Variants in CACNG3 observed in about 807,000 individuals in gnomAD.
The protein encoded by CACNG3 is voltage-dependent calcium channel gamma-3 subunit.
A neutral mutation model predicts 28.5 loss-of-function variants in CACNG3; 3 were observed. The ratio of observed to expected loss-of-function variants is 0.11; its 90% CI spans 0.05 to 0.27. The LOEUF is 0.27. Ranked by LOEUF, CACNG3 falls within the 10% of genes least tolerant of loss-of-function variation. The pLI, the probability that CACNG3 is intolerant of heterozygous loss-of-function variation, is 1.00. For synonymous variants in CACNG3, 174 were observed against 162.2 expected, an observed-to-expected ratio of 1.07 and a Z score of -0.55; for missense variants, 236 against 414.4, an observed-to-expected ratio of 0.57 and a Z score of 3.74.
At chr16:24,313,781 G>A (rs1474515424) in intron 1 of CACNG3, among the ~76,000 whole-genome samples, 1 of 152,040 alleles carries the variant, frequency 6.6e-6, no homozygotes, top group African/African-American at 2.4e-5. Flanking sequence ...ATCTGGTTCT[G>A]TCGCCCAGGC....
At chr16:24,267,551 G>A (rs1455980608) in intron 1 of CACNG3, among the ~76,000 whole-genome samples, 3 of 152,160 alleles carry the variant, frequency 2.0e-5, no homozygotes, top group Non-Finnish European at 4.4e-5. Flanking sequence ...GCCTCCCAAA[G>A]TTCTGTGATT....
intron 2 of CACNG3, among the ~76,000 whole-genome samples, chr16:24,348,346 T>G (rs1899897260): frequency 6.6e-6 from 1 of 152,084 alleles, no homozygotes; most frequent in East Asian, 1.9e-4. Flanking sequence ...GAGGCTGCAG[T>G]GCCATTGCAG....
intron 1 of CACNG3, among the ~76,000 whole-genome samples, chr16:24,318,188 T>TA (rs201036442): frequency 9.2e-4 from 140 of 152,240 alleles, no homozygotes; most frequent in Middle Eastern, 3.4e-3. Flanking sequence ...TATCCTTTTG[T>TA]ATTTTTTTTT....
intron 1 of CACNG3, among the ~76,000 whole-genome samples, chr16:24,346,405 T>C (rs1899867752): frequency 6.6e-6 from 1 of 152,112 alleles, no homozygotes; most frequent in South Asian, 2.1e-4. Context: ...AGACCTTTTG[T>C]TGTCACTATC....
chr16:24,306,254 C>A (rs371076466), intron 1 of CACNG3, among the ~76,000 whole-genome samples: 3 of 152,194 alleles, frequency 2.0e-5, no homozygotes, highest in African/African-American at 7.2e-5. Context: ...ATATTTAGCC[C>A]GTTGGAAGCT....
At chr16:24,328,607 TA>T (rs112853246) in intron 1 of CACNG3, among the ~76,000 whole-genome samples, 6,471 of 151,814 alleles carry the variant, frequency 0.043, 474 homozygotes, top group African/African-American at 0.15. Context: ...GCAATAAATA[TA>T]AACAAGATAT....
chr16:24,261,515 C>G (rs1898536778), intron 1 of CACNG3, among the ~76,000 whole-genome samples: 1 of 152,156 alleles, frequency 6.6e-6, no homozygotes, highest in Non-Finnish European at 1.5e-5. Context: ...CCAAATTTAC[C>G]TTGTAGCTGA....
chr16:24,305,683 A>G (rs1236694588), intron 1 of CACNG3, among the ~76,000 whole-genome samples: 1 of 152,064 alleles, frequency 6.6e-6, no homozygotes. Context: ...ATTAGGACAA[A>G]CACCTAATAC....
At chr16:24,330,274 G>T (rs1899614099) in intron 1 of CACNG3, among the ~76,000 whole-genome samples, 1 of 152,190 alleles carries the variant, frequency 6.6e-6, no homozygotes, top group South Asian at 2.1e-4. Context: ...ACTCACCATG[G>T]CTGTGATGCT....
At chr16:24,288,742 T>G (rs985786343) in intron 1 of CACNG3, among the ~76,000 whole-genome samples, 4 of 152,176 alleles carry the variant, frequency 2.6e-5, no homozygotes, top group African/African-American at 2.4e-5. Context: ...AGTGATTCTA[T>G]TTTCCACACA....
intron 2 of CACNG3, among the ~76,000 whole-genome samples, chr16:24,354,617 G>A (rs781383623): frequency 2.0e-4 from 30 of 152,184 alleles, no homozygotes; most frequent in Non-Finnish European, 3.7e-4. Context: ...TTATAAAATC[G>A]TTAAGACTCT....
Position 24,354,876 on chromosome 16 carries a change from G to A in CACNG3, c.339G>A (p.Thr113=), listed in dbSNP as rs773149814. The A allele has an allele frequency of 6.8e-6, 11 of 1,612,174 alleles. No homozygotes were observed. The highest frequency in any genetic ancestry group is 3.3e-5 in the South Asian group (3 of 91,004). ...GTGTCTTCCCCATCCTCAGTGTCAC[G>A]CTGCTGTTCTTCGGCGGGCTCTGCG... The part of the protein sequence containing the change: ...ASSVFPILSV[T]LLFFGGLCVA... The change falls in exon 3 of 4, where the codon ACG becomes ACA. Residue 113 remains threonine (T), a synonymous_variant. Coordinates refer to ENST00000005284, the MANE Select transcript of CACNG3 (RefSeq NM_006539.4).
chr16:24,345,731 C>T (rs1384219401), intron 1 of CACNG3, among the ~76,000 whole-genome samples: 2 of 152,096 alleles, frequency 1.3e-5, no homozygotes, highest in African/African-American at 4.8e-5. Flanking sequence ...CAAATGTGGA[C>T]GGATGTTCAA....
chr16:24,295,153 T>C (rs999640465), intron 1 of CACNG3, among the ~76,000 whole-genome samples: 15 of 152,140 alleles, frequency 9.9e-5, no homozygotes, highest in Admixed American at 1.3e-4. Flanking sequence ...TTGGGTCTCT[T>C]CTTAAGTCTC....
intron 1 of CACNG3, among the ~76,000 whole-genome samples, chr16:24,317,626 GACAGACA>G (rs1567217523): frequency 2.2e-5 from 1 of 46,280 alleles, no homozygotes; most frequent in African/African-American, 8.4e-5. Context: ...AAGAAAGAAA[GACAGACA>G]GAAAGAAAGA....
chr16:24,290,799 C>T (rs756202431), intron 1 of CACNG3, among the ~76,000 whole-genome samples: 2 of 152,040 alleles, frequency 1.3e-5, no homozygotes, highest in Non-Finnish European at 2.9e-5. Flanking sequence ...TCACGGCCTA[C>T]GTACTTAACA....
intron 1 of CACNG3, among the ~76,000 whole-genome samples, chr16:24,343,614 G>C (rs1454465392): frequency 1.3e-5 from 2 of 152,150 alleles, no homozygotes; most frequent in Admixed American, 6.5e-5. Context: ...ATCATGAAGC[G>C]ACCAGGCAAA....
At chr16:24,295,097 T>C (rs1461861963) in intron 1 of CACNG3, among the ~76,000 whole-genome samples, 1 of 152,204 alleles carries the variant, frequency 6.6e-6, no homozygotes, top group Non-Finnish European at 1.5e-5. Context: ...GACCAAGTCC[T>C]AGACCTCCAC....
chr16:24,296,960 G>A (rs951245581), intron 1 of CACNG3, among the ~76,000 whole-genome samples: 1 of 152,112 alleles, frequency 6.6e-6, no homozygotes, highest in African/African-American at 2.4e-5. Context: ...GTTCCCTGAG[G>A]GGTGCTTAAA....
Sources: allele counts gnomAD v4.1 joint callset (sites outside exome capture counted in the v4.1 genomes callset), GRCh38; gene constraint gnomAD v4.1.1; transcripts MANE v1.5; gene names NCBI Gene and HGNC (gene_info 2026-07-23, HGNC 2026-07-21).